Variants in IDI1 observed in about 807,000 individuals in gnomAD.
The protein encoded by IDI1 is isopentenyl-diphosphate delta isomerase 1, also known as isopentenyl-diphosphate Delta-isomerase 1.
In IDI1, 23 loss-of-function variants were observed where a neutral mutation model predicts 32.9. The observed-to-expected ratio is 0.70, with a 90% CI of 0.50 to 0.99. The LOEUF (loss-of-function observed/expected upper bound fraction) is 0.99, where lower values mean the gene tolerates loss of function less well. IDI1 is among the 50% of genes least tolerant of loss of function. IDI1 has a pLI of 0.00. For missense variants in IDI1, 326 were observed against 351.9 expected (o/e 0.93, Z 0.59); for synonymous variants, 133 against 128.2 (o/e 1.04, Z -0.25).
In IDI1 at chr10:1,040,571, G is replaced by A. The variant is rs1261100884; in HGVS notation, c.*616C>T. ...ACCTAATCAATATCACTTATCAAAAGCAGTGGCTGACTGTAAGTATCAACA... is the reference window on the plus strand; with the variant it reads ...ACCTAATCAATATCACTTATCAAAAACAGTGGCTGACTGTAAGTATCAACA... On this transcript the variant is annotated 3_prime_UTR_variant, in exon 5 of 5. Coordinates refer to ENST00000381344, the MANE Select transcript of IDI1 (RefSeq NM_004508.4). The A allele has an allele frequency of 6.6e-6, 1 of 152,260 alleles. No homozygotes were observed. Among genetic ancestry groups the A allele is most frequent in the Non-Finnish European group, 1.5e-5 (1 of 68,108 alleles). 9.4% of individuals were successfully genotyped at this position (152,260 alleles called of 1,614,324 possible). A position where few individuals can be genotyped will look rare whatever the true frequency, so the allele number is the denominator to read the frequency against.
chr10:1,054,999 C>A, the IDI1 span, among the ~76,000 whole-genome samples: 2 of 152,242 alleles, frequency 1.3e-5, no homozygotes, highest in Non-Finnish European at 2.9e-5. Flanking sequence ...AGGCTCCCAT[C>A]ACAGCTCTCA....
chr10:1,048,152 C>T (rs1832856853), intron 1 of IDI1: 1 of 1,031,688 alleles, frequency 9.7e-7, no homozygotes, highest in East Asian at 6.0e-5. Context: ...TGCACCACCG[C>T]CCAGCTGTAA....
At chr10:1,052,068 T>C (rs1488073395), upstream of IDI1, among the ~76,000 whole-genome samples, 2 of 152,162 alleles carry the variant, frequency 1.3e-5, no homozygotes, top group Admixed American at 6.5e-5. Context: ...AGCTTGGGTT[T>C]CACCATGTTG....
At chr10:1,050,404 G>T (rs1156515259), upstream of IDI1, among the ~76,000 whole-genome samples, 1 of 151,864 alleles carries the variant, frequency 6.6e-6, no homozygotes, top group African/African-American at 2.4e-5. Flanking sequence ...ACTTTTAAGT[G>T]AAACAACGTA....
At chr10:1,050,483 G>GA (rs531720573), upstream of IDI1, among the ~76,000 whole-genome samples, 48 of 147,864 alleles carry the variant, frequency 3.2e-4, no homozygotes, top group South Asian at 6.4e-4. Flanking sequence ...TCTGGCCAAG[G>GA]AAAAAAAAAA....
chr10:1,053,209 C>T (rs996067435), upstream of IDI1, among the ~76,000 whole-genome samples: 2 of 152,180 alleles, frequency 1.3e-5, no homozygotes, highest in South Asian at 2.1e-4. Flanking sequence ...ACCATGTTGG[C>T]CAGGCTGGTC....
At chr10:1,055,843 C>A in the IDI1 span, among the ~76,000 whole-genome samples, 1 of 152,052 alleles carries the variant, frequency 6.6e-6, no homozygotes, top group South Asian at 2.1e-4. Context: ...CGGAGGCTCG[C>A]TCTGTCCCAG....
upstream of IDI1, among the ~76,000 whole-genome samples, chr10:1,050,210 AACAC>A (rs1031967248): frequency 6.6e-6 from 1 of 152,330 alleles, no homozygotes; most frequent in East Asian, 1.9e-4. Context: ...TCACTTAAAA[AACAC>A]ACGACACTAA....
At chr10:1,055,674 A>G in the IDI1 span, among the ~76,000 whole-genome samples, 6 of 152,102 alleles carry the variant, frequency 3.9e-5, no homozygotes, top group East Asian at 9.6e-4. Context: ...TTTTAGTGAT[A>G]AAGTTTTATT....
At position 1,048,911 on chromosome 10, in the gene IDI1, G is replaced by A. The variant is rs976888250; in HGVS notation, c.93C>T (p.Ser31=). The A allele has an allele frequency of 7.5e-6, 12 of 1,605,140 alleles. No individual in the cohort carries two copies. The highest frequency in any genetic ancestry group is 2.3e-5 in the East Asian group (1 of 44,300). Residue 31 remains serine (S), a synonymous_variant, in exon 1 of 5, where the codon AGC becomes AGT. Coordinates refer to ENST00000381344, the MANE Select transcript of IDI1 (RefSeq NM_004508.4). ...WAVRAADCAQ[S]GRHPGPAVVC... is the part of the protein sequence containing the mutation. ...CAACCGCCGGTCCCGGATGGCGCCC[G>A]CTTTGAGCACAGTCTGCGGCGCGCA... is the stretch of plus-strand genomic sequence containing the variant.
At chr10:1,054,213 A>G in the IDI1 span, among the ~76,000 whole-genome samples, 3 of 152,246 alleles carry the variant, frequency 2.0e-5, no homozygotes, top group Admixed American at 2.0e-4. Flanking sequence ...CAGGGCTGCC[A>G]CAAACCTCCA....
the IDI1 span, chr10:1,056,282 C>G: frequency 6.6e-6 from 1 of 152,234 alleles, no homozygotes; most frequent in Admixed American, 6.5e-5. Flanking sequence ...AACCTAGATT[C>G]TAAGAAAAAA....
At chr10:1,049,163 C>T (rs369912932), upstream of IDI1, 1 of 1,201,278 alleles carries the variant, frequency 8.3e-7, no homozygotes, top group African/African-American at 1.6e-5. Flanking sequence ...GGTCAACACG[C>T]CCCACCCCCA....
chr10:1,042,097 A>G (rs886257748), intron 4 of IDI1, among the ~76,000 whole-genome samples: 2 of 152,204 alleles, frequency 1.3e-5, no homozygotes, highest in African/African-American at 4.8e-5. Flanking sequence ...GTGAGCCACC[A>G]CGACCGGCCC....
Position 1,048,916 on chromosome 10 carries a change from G to C in IDI1, c.88C>G (p.Gln30Glu). Residue 30 changes from glutamine (Q) to glutamate (E), a missense_variant, in exon 1 of 5, where the codon CAA (glutamine) becomes GAA (glutamate). Physicochemically the swap from Gln to Glu is conservative, Grantham distance 29. Around this residue, in one of 2 missense-constraint regions of IDI1, gnomAD observed 121 missense variants for 78.4 expected, o/e 1.54. Coordinates refer to ENST00000381344, the MANE Select transcript of IDI1 (RefSeq NM_004508.4). ...QWAVRAADCAQSGRHPGPAVV... is the reference protein window; with the variant it reads ...QWAVRAADCAESGRHPGPAVV... Reference sequence around the variant, plus strand: ...GCCGGTCCCGGATGGCGCCCGCTTTGAGCACAGTCTGCGGCGCGCACCGCC... The same window carrying C: ...GCCGGTCCCGGATGGCGCCCGCTTTCAGCACAGTCTGCGGCGCGCACCGCC... 1 of 1,603,804 alleles carries C rather than the reference G, an allele frequency of 6.2e-7. No homozygotes were observed. The highest frequency in any genetic ancestry group is 8.5e-7 in the Non-Finnish European group (1 of 1,176,974).
chr10:1,050,471 C>A (rs145587580), upstream of IDI1, among the ~76,000 whole-genome samples: 27 of 152,088 alleles, frequency 1.8e-4, no homozygotes, highest in African/African-American at 6.0e-4. Context: ...CTAAAGCATA[C>A]TTCTGGCCAA....
At chr10:1,052,125 CCT>C (rs1386552995), upstream of IDI1, among the ~76,000 whole-genome samples, 2 of 152,150 alleles carry the variant, frequency 1.3e-5, no homozygotes, top group African/African-American at 4.8e-5. Context: ...CCCACCTTGG[CCT>C]CTCAAAATGC....
At chr10:1,051,824 T>C (rs1196862356), upstream of IDI1, among the ~76,000 whole-genome samples, 1 of 152,200 alleles carries the variant, frequency 6.6e-6, no homozygotes, top group African/African-American at 2.4e-5. Flanking sequence ...AATAATGAAA[T>C]TTGTCACGTT....
Position 1,041,039 on chromosome 10 carries a change from G to A in IDI1, c.*148C>T. ...TAGTTTTTTCCACACAAGTTTTAAA[G>A]TATCAGTGTATATAATACATTAATG... is the stretch of plus-strand genomic sequence containing the variant. On this transcript the variant is annotated 3_prime_UTR_variant, in exon 5 of 5. Transcript: ENST00000381344. 3.7e-6 allele frequency: 2 copies of A among 544,792 alleles called. No homozygotes were observed. Among genetic ancestry groups the A allele is most frequent in the South Asian group, 6.0e-5 (2 of 33,168 alleles). The allele number at this position is 544,792 out of a possible 1,614,324, so 33.7% of individuals were successfully genotyped here. A position where few individuals can be genotyped will look rare whatever the true frequency, so the allele number is the denominator to read the frequency against.
Sources: allele counts gnomAD v4.1 joint callset (sites outside exome capture counted in the v4.1 genomes callset), GRCh38; gene constraint gnomAD v4.1.1; regional missense constraint gnomAD v4.1.1; transcripts MANE v1.5; gene names NCBI Gene and HGNC (gene_info 2026-07-23, HGNC 2026-07-21).